The following ALPK2 variants were observed in gnomAD, a reference collection of about 807,000 sequenced individuals.
ALPK2 encodes the protein alpha kinase 2, also known as alpha-protein kinase 2.
A neutral mutation model predicts 163.1 loss-of-function variants in ALPK2; 127 were observed. The ratio of observed to expected loss-of-function variants is 0.78; its 90% CI spans 0.67 to 0.90. The LOEUF (loss-of-function observed/expected upper bound fraction) is 0.90. Among genes scored for constraint, ALPK2 ranks in the 40% least tolerant of loss-of-function variants. The pLI is 0.00. For synonymous variants in ALPK2, 953 were observed against 959.1 expected, an observed-to-expected ratio of 0.99 and a Z score of 0.12; for missense variants, 2,360 against 2,589.6, an observed-to-expected ratio of 0.91 and a Z score of 1.92.
chr18:58,504,088 C>G lies in ALPK2; in HGVS notation c.6090G>C (p.Glu2030Asp). ...PENNIPYATV[E>D]EELIGEFVKY... ...TCACAAATTCTCCAATCAGCTCCTC[C>G]TCCACTGTAGCATACGGGATATTGT... Residue 2030 changes from glutamate to aspartate, a missense_variant, in exon 11 of 13, where the codon GAG becomes GAC. Transcript: ENST00000361673. 1 of 1,614,206 alleles carries G rather than the reference C, an allele frequency of 6.2e-7. No individual in the cohort carries two copies. The highest frequency in any genetic ancestry group is 8.5e-7 in the Non-Finnish European group (1 of 1,180,030).
chr18:58,595,953 A>C (rs2052038511), intron 3 of ALPK2, among the ~76,000 whole-genome samples: 3 of 151,958 alleles, frequency 2.0e-5, no homozygotes, highest in Admixed American at 2.0e-4. Flanking sequence ...CAGCTTGGTG[A>C]CTCCAACGTT....
At chr18:58,483,826 A>T (rs1175673095) in intron 12 of ALPK2, among the ~76,000 whole-genome samples, 1 of 151,420 alleles carries the variant, frequency 6.6e-6, no homozygotes, top group South Asian at 2.1e-4. Context: ...CGGCCTCCCA[A>T]AGTGCTGGGA....
chr18:58,610,953 G>C (rs1259722622), intron 2 of ALPK2, among the ~76,000 whole-genome samples: 1 of 152,124 alleles, frequency 6.6e-6, no homozygotes, highest in South Asian at 2.1e-4. Context: ...AATTAGCCGG[G>C]TGTAGTGGCG....
intron 4 of ALPK2, among the ~76,000 whole-genome samples, chr18:58,554,656 G>A (rs1259562981): frequency 3.3e-5 from 5 of 152,176 alleles, no homozygotes; most frequent in East Asian, 1.9e-4. Flanking sequence ...TCGACCAGCC[G>A]TGAAGTAACA....
rs535481269 is a variant in ALPK2, at chr18:58,622,129, C to A, written c.-21+6635G>T. On this transcript the variant is annotated intron_variant, in intron 1 of 12. Transcript: ENST00000361673. ...TGGGAGGCCGAGGCAGGCAGATCACCTGAGGTCAGGAGTTCGAGACCAGCC... is the reference window on the plus strand; with the variant it reads ...TGGGAGGCCGAGGCAGGCAGATCACATGAGGTCAGGAGTTCGAGACCAGCC... 2.6e-5 allele frequency among the ~76,000 whole-genome samples: 4 copies of A among 152,072 alleles called. No individual in the cohort carries two copies. In the South Asian group the frequency reaches 8.3e-4, roughly 32 times the overall value.
intron 3 of ALPK2, among the ~76,000 whole-genome samples, chr18:58,605,649 A>G (rs2052094210): frequency 6.6e-6 from 1 of 152,230 alleles, no homozygotes; most frequent in Non-Finnish European, 1.5e-5. Flanking sequence ...ATGGGTAACT[A>G]GAATCTCACC....
At chr18:58,606,801 G>A (rs866909195) in intron 3 of ALPK2, among the ~76,000 whole-genome samples, 13 of 152,030 alleles carry the variant, frequency 8.6e-5, no homozygotes, top group African/African-American at 3.1e-4. Flanking sequence ...GAGTTTCCTG[G>A]TTTTATCCAA....
In ALPK2 at chr18:58,535,655, C is replaced by T. The variant is rs912110062; in HGVS notation, c.4532G>A (p.Gly1511Asp). 6.2e-7 allele frequency: 1 copy of T among 1,614,114 alleles called. No individual in the cohort carries two copies. Among genetic ancestry groups the T allele is most frequent in the African/African-American group, 1.3e-5 (1 of 74,938 alleles). Reference sequence around the variant, plus strand: ...CCCATCACTGCTTTCTTGTATTTGGCCTATGCTACATCCACTTGGAATTCT... The same window carrying T: ...CCCATCACTGCTTTCTTGTATTTGGTCTATGCTACATCCACTTGGAATTCT... ...GERIPSGCSI[G>D]QIQESSDGSL... Residue 1511 changes from glycine (G) to aspartate (D), a missense_variant, in exon 5 of 13, where the codon GGC (glycine) becomes GAC (aspartate). Coordinates refer to ENST00000361673, the MANE Select transcript of ALPK2 (RefSeq NM_052947.4).
At chr18:58,550,913 A>T (rs1291692513) in intron 4 of ALPK2, among the ~76,000 whole-genome samples, 1 of 147,502 alleles carries the variant, frequency 6.8e-6, no homozygotes, top group African/African-American at 2.5e-5. Flanking sequence ...ATCACATGCA[A>T]CCCCATCCCC....
intron 5 of ALPK2, among the ~76,000 whole-genome samples, chr18:58,532,406 G>C (rs1311407496): frequency 6.6e-6 from 1 of 152,176 alleles, no homozygotes; most frequent in South Asian, 2.1e-4. Flanking sequence ...AACCTACCCC[G>C]GCATGGGCAA....
intron 12 of ALPK2, among the ~76,000 whole-genome samples, chr18:58,482,720 T>A (rs1383208923): frequency 1.3e-5 from 2 of 152,166 alleles, no homozygotes; most frequent in African/African-American, 4.8e-5. Flanking sequence ...AGGAGTAGTC[T>A]CAGGGGTTGT....
At chr18:58,591,373 G>A (rs1037606334) in intron 3 of ALPK2, among the ~76,000 whole-genome samples, 2 of 152,204 alleles carry the variant, frequency 1.3e-5, no homozygotes, top group African/African-American at 4.8e-5. Flanking sequence ...CATTGTGTTA[G>A]CCACTATGTG....
At chr18:58,574,956 G>A (rs928865647) in intron 4 of ALPK2, among the ~76,000 whole-genome samples, 4 of 152,200 alleles carry the variant, frequency 2.6e-5, no homozygotes, top group African/African-American at 9.7e-5. Flanking sequence ...GCTCACGCCT[G>A]TAATCCCAGC....
intron 3 of ALPK2, 39 bp downstream of exon 3, chr18:58,607,283 G>T (rs1446282009): frequency 1.4e-5 from 19 of 1,406,086 alleles, no homozygotes; most frequent in Non-Finnish European, 1.8e-5. Context: ...CAGAATATAA[G>T]GATATTAGTA....
chr18:58,506,840 T>C (rs1278175233), intron 10 of ALPK2, among the ~76,000 whole-genome samples: 2 of 152,222 alleles, frequency 1.3e-5, no homozygotes, highest in South Asian at 4.1e-4. Flanking sequence ...GTAGCCTGTT[T>C]AGCCGCCTCC....
rs1181697947 is a variant in ALPK2 at position 58,481,487 on chromosome 18, C to T, written c.*336G>A. On this transcript the variant is annotated 3_prime_UTR_variant, in exon 13 of 13. Transcript: ENST00000361673. The stretch of plus-strand genomic sequence containing the variant: ...TTGGCTGTGAACAGACTCTTCTCAG[C>T]ACCAGGTCCTCGACAGCACAACCAT... 8 of 280,598 alleles carry T rather than the reference C, an allele frequency of 2.9e-5. No homozygotes were observed. Among genetic ancestry groups the T allele is most frequent in the East Asian group, 8.8e-5 (1 of 11,328 alleles). 17.4% of individuals were successfully genotyped at this position (280,598 alleles called of 1,614,324 possible). A position where few individuals can be genotyped will look rare whatever the true frequency, so the allele number is the denominator to read the frequency against.
intron 1 of ALPK2, among the ~76,000 whole-genome samples, chr18:58,617,686 T>G (rs956120877): frequency 6.6e-6 from 1 of 152,216 alleles, no homozygotes; most frequent in Non-Finnish European, 1.5e-5. Context: ...CATCTAAATA[T>G]ATGATAATTT....
At chr18:58,500,520 T>C (rs2051426332) in intron 11 of ALPK2, among the ~76,000 whole-genome samples, 1 of 152,242 alleles carries the variant, frequency 6.6e-6, no homozygotes, top group Non-Finnish European at 1.5e-5. Context: ...ACTAGGAATC[T>C]CTAGAGTCTA....
intron 4 of ALPK2, among the ~76,000 whole-genome samples, chr18:58,565,971 T>C (rs1228474885): frequency 6.6e-6 from 1 of 152,056 alleles, no homozygotes; most frequent in Non-Finnish European, 1.5e-5. Flanking sequence ...TTAGTAGAGA[T>C]GGGATTTCAC....
Sources: gnomAD v4.1 joint callset for allele counts (sites outside exome capture counted in the v4.1 genomes callset) on GRCh38, gnomAD v4.1.1 for gene constraint, MANE v1.5 for transcripts, NCBI Gene and HGNC (gene_info 2026-07-23, HGNC 2026-07-21) for gene names.